The following NUP160 variants were observed in gnomAD, a reference collection of about 807,000 sequenced individuals.
The protein encoded by NUP160 is nuclear pore complex protein Nup160.
A neutral mutation model predicts 196.9 loss-of-function variants in NUP160; 94 were observed. The observed-to-expected ratio is 0.48, with a 90% CI of 0.40 to 0.57. NUP160 has a LOEUF of 0.57. Ranked by LOEUF, NUP160 falls within the 20% of genes least tolerant of loss-of-function variation. The pLI, the probability that NUP160 is intolerant of heterozygous loss-of-function variation, is 0.00. For missense variants in NUP160, 1,638 were observed against 1,748.3 expected, an observed-to-expected ratio of 0.94 and a Z score of 1.13; for synonymous variants, 605 against 619.7, an observed-to-expected ratio of 0.98 and a Z score of 0.35.
chr11:47,817,983 A>T, intron 11 of NUP160, 73 bp downstream of exon 11: 1 of 857,094 alleles, frequency 1.2e-6, no homozygotes. Context: ...TATATGCAAA[A>T]ACTTAATAGT....
intron 32 of NUP160, among the ~76,000 whole-genome samples, chr11:47,785,789 C>G (rs1466003996): frequency 6.6e-6 from 1 of 152,152 alleles, no homozygotes; most frequent in African/African-American, 2.4e-5. Flanking sequence ...ATAAGTTATT[C>G]TGATGTGCTA....
chr11:47,837,963 G>C (rs2135400410), intron 4 of NUP160, among the ~76,000 whole-genome samples: 1 of 152,308 alleles, frequency 6.6e-6, no homozygotes, highest in Middle Eastern at 3.4e-3. Context: ...TGACATAGCA[G>C]TAAACAAAAC....
chr11:47,806,154 A>G, exon 20 of NUP160: 4 of 1,613,988 alleles, frequency 2.5e-6, no homozygotes, highest in Non-Finnish European at 3.4e-6. Context: ...AAAGGATACA[A>G]AAGCTGCAAT....
At position 47,818,134 on chromosome 11, in the gene NUP160, C is replaced by T; in HGVS notation, c.1363-10G>A. The T allele has an allele frequency of 6.3e-7, 1 of 1,584,618 alleles. No individual in the cohort carries two copies. Among genetic ancestry groups the T allele is most frequent in the Non-Finnish European group, 8.6e-7 (1 of 1,156,130 alleles). On this transcript the variant is annotated splice_polypyrimidine_tract_variant and intron_variant, in intron 10 of 35. Transcript: ENST00000378460. ...TTTGCAGATACATCTCCTATTAGAACATTAAAACAAAAGTTACTATTGTCC... is the reference window on the plus strand; with the variant it reads ...TTTGCAGATACATCTCCTATTAGAATATTAAAACAAAAGTTACTATTGTCC...
At chr11:47,783,349 G>T (rs1181234707) in intron 33 of NUP160, 151 bp from the exon 34 acceptor site, 1 of 1,006,648 alleles carries the variant, frequency 9.9e-7, no homozygotes, top group East Asian at 2.8e-5. Context: ...CTTAGGATAA[G>T]AGCTGATAAC....
chr11:47,806,100 C>A lies in NUP160; in HGVS notation c.2606+53G>T. ...AAGTGCTGGGATTACAGGTGTGAGC[C>A]AACATGCCCGGCCAGAAGAGAGCTT... On this transcript the variant is annotated intron_variant, in intron 20 of 35. Coordinates refer to ENST00000378460, the Ensembl canonical transcript of NUP160. 3.8e-6 allele frequency: 6 copies of A among 1,567,016 alleles called. 1 individual carries two copies. The South Asian group carries it at 6.7e-5, about 17-fold the overall frequency.
At chr11:47,828,931 AC>A (rs1253352563) in intron 7 of NUP160, among the ~76,000 whole-genome samples, 1 of 152,084 alleles carries the variant, frequency 6.6e-6, no homozygotes, top group Admixed American at 6.6e-5. Context: ...TTAAAAAAAA[AC>A]CCCACAAAAC....
At chr11:47,784,653 CG>C (rs1460326125) in intron 33 of NUP160, 7 of 218,264 alleles carry the variant, frequency 3.2e-5, no homozygotes, top group African/African-American at 4.5e-5. Flanking sequence ...TCCCAAAGTA[CG>C]TAAGTCAATA....
At chr11:47,824,794 C>T (rs1180274689) in intron 7 of NUP160, among the ~76,000 whole-genome samples, 3 of 149,178 alleles carry the variant, frequency 2.0e-5, no homozygotes. Flanking sequence ...CATGTTCTAC[C>T]CGACCCAGCT....
chr11:47,800,128 C>T (rs1290273124), intron 23 of NUP160, among the ~76,000 whole-genome samples: 1 of 151,794 alleles, frequency 6.6e-6, no homozygotes, highest in Non-Finnish European at 1.5e-5. Context: ...GTGGTGCACA[C>T]CTGTAATCCC....
intron 21 of NUP160, 86 bp from the exon 22 acceptor site, chr11:47,803,622 TGAAAA>T: frequency 2.6e-6 from 2 of 781,094 alleles, no homozygotes; most frequent in South Asian, 2.9e-5. Context: ...TCACAGAGGA[TGAAAA>T]GACAGTGTTT....
At chr11:47,797,858 A>G in exon 27 of NUP160, 1 of 1,612,802 alleles carries the variant, frequency 6.2e-7, no homozygotes, top group Non-Finnish European at 8.5e-7. Context: ...CCACAGCTCT[A>G]GCACGTGACT....
intron 2 of NUP160, among the ~76,000 whole-genome samples, chr11:47,843,623 T>C (rs1373707057): frequency 2.0e-5 from 3 of 152,172 alleles, no homozygotes; most frequent in Non-Finnish European, 4.4e-5. Context: ...TTATTGTAAC[T>C]AGGGTAGAAG....
intron 7 of NUP160, among the ~76,000 whole-genome samples, chr11:47,823,543 C>CT (rs974016753): frequency 5.3e-5 from 8 of 150,936 alleles, no homozygotes; most frequent in Non-Finnish European, 8.9e-5. Flanking sequence ...TTCCTTTTTT[C>CT]TTTTTTTTTG....
At chr11:47,780,514 C>A in intron 34 of NUP160, 67 bp from the exon 35 acceptor site, 7 of 942,400 alleles carry the variant, frequency 7.4e-6, no homozygotes, top group Non-Finnish European at 1.2e-5. Context: ...TAGTTGCTTT[C>A]ATAGGACTCT....
chr11:47,810,874 A>G (rs1017402084), intron 17 of NUP160, among the ~76,000 whole-genome samples: 5 of 152,156 alleles, frequency 3.3e-5, no homozygotes, highest in South Asian at 2.1e-4. Context: ...CTTAAAATGT[A>G]TAAGTACATT....
intron 23 of NUP160, among the ~76,000 whole-genome samples, chr11:47,799,704 C>A (rs1195535976): frequency 6.6e-6 from 1 of 151,852 alleles, no homozygotes; most frequent in Non-Finnish European, 1.5e-5. Context: ...CACCACCATG[C>A]CCAGGTAATT....
exon 11 of NUP160, chr11:47,818,056 C>T: frequency 6.3e-7 from 1 of 1,599,882 alleles, no homozygotes; most frequent in South Asian, 1.1e-5. Context: ...TTTTGCTGAC[C>T]TGTAAAGCCT....
intron 18 of NUP160, among the ~76,000 whole-genome samples, chr11:47,807,837 A>G (rs1194397593): frequency 6.6e-6 from 1 of 152,136 alleles, no homozygotes; most frequent in Admixed American, 6.6e-5. Flanking sequence ...GTACATAAGT[A>G]TAATACATAA....
Sources: allele counts gnomAD v4.1 joint callset (sites outside exome capture counted in the v4.1 genomes callset), GRCh38; gene constraint gnomAD v4.1.1; transcripts MANE v1.5; gene names NCBI Gene and HGNC (gene_info 2026-07-23, HGNC 2026-07-21).